Variants in TCF12 observed in about 807,000 individuals in gnomAD.
TCF12 encodes the protein DNA-binding protein HTF4.
Under a neutral mutation model 86.0 loss-of-function variants are expected in TCF12, and 45 were observed. The observed-to-expected ratio is 0.52, with a 90% CI of 0.41 to 0.67. TCF12 has a LOEUF of 0.67. TCF12 is among the 30% of genes least tolerant of loss of function. The pLI is 0.00. For missense variants in TCF12, 881 were observed against 859.9 expected (o/e 1.02, Z -0.31); for synonymous variants, 330 against 299.6 (o/e 1.10, Z -1.05).
intron 7 of TCF12, among the ~76,000 whole-genome samples, chr15:57,197,407 C>G (rs1238059638): frequency 2.0e-5 from 3 of 152,106 alleles, no homozygotes; most frequent in African/African-American, 7.2e-5. Context: ...ATCCGCCCAC[C>G]TTGGCTTCCC....
At chr15:57,155,705 G>A (rs1458080055) in intron 5 of TCF12, among the ~76,000 whole-genome samples, 1 of 152,098 alleles carries the variant, frequency 6.6e-6, no homozygotes, top group Non-Finnish European at 1.5e-5. Flanking sequence ...TGAAGCAGGA[G>A]GATTGAACCC....
intron 5 of TCF12, among the ~76,000 whole-genome samples, chr15:57,137,352 A>C (rs960045483): frequency 4.6e-5 from 7 of 152,188 alleles, no homozygotes; most frequent in Non-Finnish European, 8.8e-5. Context: ...ATGTATTTTA[A>C]ATACTGTAAT....
chr15:57,160,771 C>G, intron 5 of TCF12, among the ~76,000 whole-genome samples: 1 of 152,068 alleles, frequency 6.6e-6, no homozygotes. Context: ...TAGCTCACTG[C>G]GGCCTCAAAC....
At chr15:57,166,217 C>A (rs546910963) in intron 5 of TCF12, among the ~76,000 whole-genome samples, 185 bp from the exon 6 acceptor site, 44 of 152,286 alleles carry the variant, frequency 2.9e-4, no homozygotes, top group African/African-American at 1.1e-3. Flanking sequence ...ACATCCTGCC[C>A]AGAATTTGAC....
chr15:56,948,623 C>A (rs1217035296), intron 3 of TCF12, among the ~76,000 whole-genome samples: 1 of 152,098 alleles, frequency 6.6e-6, no homozygotes, highest in African/African-American at 2.4e-5. Context: ...GAAAACAAAC[C>A]AGTGATCTCA....
intron 5 of TCF12, among the ~76,000 whole-genome samples, chr15:57,128,322 C>G (rs1226567605): frequency 1.3e-5 from 2 of 152,066 alleles, no homozygotes; most frequent in Non-Finnish European, 1.5e-5. Context: ...TAACTTCTAC[C>G]GCATTTGACA....
chr15:57,281,274 G>C (rs1433535386), intron 19 of TCF12, among the ~76,000 whole-genome samples: 2 of 152,054 alleles, frequency 1.3e-5, no homozygotes, highest in Non-Finnish European at 2.9e-5. Context: ...ACGCAGTCTT[G>C]TTTGCTATCT....
chr15:57,214,220 A>G (rs1310042928), intron 8 of TCF12: 4 of 152,176 alleles, frequency 2.6e-5, no homozygotes, highest in Non-Finnish European at 4.4e-5. Context: ...GAAACGTGCA[A>G]TTTGCTTCAG....
intron 3 of TCF12, among the ~76,000 whole-genome samples, chr15:56,938,207 CTGCAG>C (rs2060569892): frequency 6.6e-6 from 1 of 150,892 alleles, no homozygotes; most frequent in Non-Finnish European, 1.5e-5. Flanking sequence ...TGTTGCCAGG[CTGCAG>C]TGCAGTGGCG....
intron 13 of TCF12, among the ~76,000 whole-genome samples, chr15:57,249,416 A>G (rs1230550472): frequency 1.4e-5 from 1 of 72,190 alleles, no homozygotes; most frequent in Non-Finnish European, 2.3e-5. Context: ...CTCATAAGTA[A>G]AAAAAAAAAA....
At chr15:57,063,919 TTTC>T (rs747191422) in intron 4 of TCF12, 96 bp downstream of exon 4, 59 of 1,015,634 alleles carry the variant, frequency 5.8e-5, no homozygotes, top group Admixed American at 2.5e-4. Flanking sequence ...TGAAAATTAA[TTTC>T]TTTTCATGGA....
intron 3 of TCF12, among the ~76,000 whole-genome samples, chr15:56,961,278 G>A (rs1464882023): frequency 6.6e-6 from 1 of 152,182 alleles, no homozygotes; most frequent in African/African-American, 2.4e-5. Flanking sequence ...CTTGTATGCT[G>A]TGCTAATAAT....
chr15:57,011,204 G>A (rs551029288), intron 3 of TCF12, among the ~76,000 whole-genome samples: 4 of 152,286 alleles, frequency 2.6e-5, no homozygotes, highest in Admixed American at 6.5e-5. Flanking sequence ...CCCAGTGTTG[G>A]AGGTGGGGTC....
At chr15:57,253,610 T>A in intron 16 of TCF12, 142 bp downstream of exon 16, 1 of 923,480 alleles carries the variant, frequency 1.1e-6, no homozygotes, top group Non-Finnish European at 1.6e-6. Context: ...TCTTTGGCAG[T>A]AAAGTATTGG....
intron 3 of TCF12, among the ~76,000 whole-genome samples, chr15:57,004,844 C>T (rs193227076): frequency 6.6e-6 from 1 of 152,308 alleles, no homozygotes; most frequent in Non-Finnish European, 1.5e-5. Context: ...CATGAGCCAC[C>T]GCACCCGGCC....
At chr15:57,078,920 G>T (rs896469584) in intron 4 of TCF12, among the ~76,000 whole-genome samples, 1 of 152,142 alleles carries the variant, frequency 6.6e-6, no homozygotes, top group Non-Finnish European at 1.5e-5. Flanking sequence ...CCTTAGGAAG[G>T]GTATAAGAAA....
At chr15:57,132,136 G>A (rs1683456056) in intron 5 of TCF12, among the ~76,000 whole-genome samples, 1 of 152,080 alleles carries the variant, frequency 6.6e-6, no homozygotes. Context: ...GGGTGACAGA[G>A]CAAGCCCCCT....
chr15:57,208,647 A>G (rs1158347424), intron 8 of TCF12, among the ~76,000 whole-genome samples: 5 of 151,996 alleles, frequency 3.3e-5, no homozygotes. Flanking sequence ...GGCCTCCCAA[A>G]GTCCTGGGAT....
chr15:57,087,429 T>TTATA (rs1186513458), intron 4 of TCF12, among the ~76,000 whole-genome samples: 2 of 146,750 alleles, frequency 1.4e-5, no homozygotes, highest in Admixed American at 6.8e-5. Flanking sequence ...AAAAAAAAAT[T>TTATA]TATATATATA....
Sources: allele counts gnomAD v4.1 joint callset (sites outside exome capture counted in the v4.1 genomes callset), GRCh38; gene constraint gnomAD v4.1.1; transcripts MANE v1.5; gene names NCBI Gene and HGNC (gene_info 2026-07-23, HGNC 2026-07-21).